Variants in SV2C observed in about 807,000 individuals in gnomAD.
The protein encoded by SV2C is synaptic vesicle glycoprotein 2C.
Under a neutral mutation model 79.7 loss-of-function variants are expected in SV2C, and 49 were observed. The ratio of observed to expected loss-of-function variants is 0.61; its 90% CI spans 0.49 to 0.78. SV2C has a LOEUF of 0.78. SV2C is among the 30% of genes least tolerant of loss of function. The pLI, the probability that SV2C is intolerant of heterozygous loss-of-function variation, is 0.00. For synonymous variants in SV2C, 334 were observed against 333.2 expected (o/e 1.00, Z -0.03); for missense variants, 833 against 912.9 (o/e 0.91, Z 1.13).
In SV2C at chr5:76,212,488, C is replaced by G. The variant is rs1382692846; in HGVS notation, c.913+2601C>G. ...CTTTTTCTTTTTTTTTTTTTAATAC[C>G]TTCTTAGCCGGCCTTCAGGCCAGCC... On this transcript the variant is annotated intron_variant, in intron 4 of 12. Transcript: ENST00000502798. Among the ~76,000 whole-genome samples, 4 of 147,258 alleles carry G rather than the reference C, an allele frequency of 2.7e-5. No individual in the cohort carries two copies. The Admixed American group carries it at 2.7e-4, about 10-fold the overall frequency.
the SV2C span, among the ~76,000 whole-genome samples, chr5:75,997,230 G>C: frequency 3.3e-5 from 5 of 152,100 alleles, no homozygotes; most frequent in Admixed American, 1.3e-4. Flanking sequence ...TTTTCTGCAT[G>C]TTTGAGATAA....
chr5:76,234,988 G>A (rs557494870), intron 4 of SV2C, among the ~76,000 whole-genome samples: 1 of 152,304 alleles, frequency 6.6e-6, no homozygotes, highest in East Asian at 1.9e-4. Context: ...TTAGATGGAA[G>A]AACTAACACA....
the SV2C span, among the ~76,000 whole-genome samples, chr5:76,056,624 CTTTTTTTTTTTT>C: frequency 7.6e-5 from 5 of 65,722 alleles, no homozygotes; most frequent in Middle Eastern, 0.016. Flanking sequence ...CCTGGGCTTT[CTTTTTTTTTTTT>C]TTTTTTTTTT....
At chr5:76,106,742 C>G (rs911567586) in intron 1 of SV2C, among the ~76,000 whole-genome samples, 1 of 152,182 alleles carries the variant, frequency 6.6e-6, no homozygotes, top group Non-Finnish European at 1.5e-5. Flanking sequence ...CTCTATGAGG[C>G]CTACCCTGAA....
chr5:76,253,577 G>T (rs1463348224), intron 4 of SV2C, among the ~76,000 whole-genome samples: 5 of 152,062 alleles, frequency 3.3e-5, no homozygotes, highest in Non-Finnish European at 5.9e-5. Flanking sequence ...GGAGGGAAAT[G>T]GTTTCTCAGA....
chr5:75,999,450 A>C, the SV2C span, among the ~76,000 whole-genome samples: 24 of 151,950 alleles, frequency 1.6e-4, no homozygotes, highest in South Asian at 2.3e-3. Flanking sequence ...ATGGACACTG[A>C]GAAGTCTCAG....
At chr5:76,126,650 A>G (rs957804646) in intron 1 of SV2C, among the ~76,000 whole-genome samples, 2 of 152,150 alleles carry the variant, frequency 1.3e-5, no homozygotes, top group Admixed American at 1.3e-4. Flanking sequence ...TAAGAGAGGA[A>G]GAGGGATGTT....
At chr5:75,942,619 C>T in the SV2C span, among the ~76,000 whole-genome samples, 4 of 152,274 alleles carry the variant, frequency 2.6e-5, no homozygotes, top group Non-Finnish European at 1.5e-5. Context: ...CAGCTAGACT[C>T]GAATCTGTGT....
intron 1 of SV2C, among the ~76,000 whole-genome samples, chr5:76,093,179 T>C (rs1747435857): frequency 6.6e-6 from 1 of 152,198 alleles, no homozygotes; most frequent in Admixed American, 6.5e-5. Flanking sequence ...AAAGAATATT[T>C]CTAATGCCCC....
At chr5:75,901,644 C>G in the SV2C span, among the ~76,000 whole-genome samples, 3 of 152,250 alleles carry the variant, frequency 2.0e-5, no homozygotes, top group Non-Finnish European at 2.9e-5. Flanking sequence ...TTTACGTCTG[C>G]AGAGGTTACT....
chr5:75,904,582 AAATGGAGCCCT>A, the SV2C span, among the ~76,000 whole-genome samples: 19 of 152,164 alleles, frequency 1.2e-4, no homozygotes, highest in Non-Finnish European at 2.2e-4. Flanking sequence ...AGTAAATGTA[AAATGGAGCCCT>A]GAATCCCAAC....
the SV2C span, among the ~76,000 whole-genome samples, chr5:75,941,413 A>G: frequency 0.011 from 1,751 of 152,336 alleles, 27 homozygotes; most frequent in African/African-American, 0.04. Flanking sequence ...TATAAAGCCC[A>G]GTGCCTTTCT....
chr5:75,903,603 C>T, the SV2C span, among the ~76,000 whole-genome samples: 2 of 152,152 alleles, frequency 1.3e-5, no homozygotes, highest in African/African-American at 4.8e-5. Flanking sequence ...AGAATTTCAG[C>T]CTGCACAGTC....
chr5:75,984,563 ATCTATATC>A, the SV2C span, among the ~76,000 whole-genome samples: 149 of 50,042 alleles, frequency 3.0e-3, no homozygotes, highest in African/African-American at 8.0e-3. Context: ...CTATCTATCT[ATCTATATC>A]TATCTATCTA....
the SV2C span, among the ~76,000 whole-genome samples, chr5:75,916,599 C>T: frequency 1.3e-5 from 2 of 152,164 alleles, no homozygotes; most frequent in South Asian, 2.1e-4. Context: ...CCTCAGCCTC[C>T]GAGTAGCTGG....
chr5:75,963,474 T>TCTAAA, the SV2C span, among the ~76,000 whole-genome samples: 1 of 152,162 alleles, frequency 6.6e-6, no homozygotes, highest in Non-Finnish European at 1.5e-5. Context: ...GGTTTTGTCT[T>TCTAAA]TGTCTTCTAA....
chr5:76,310,563 G>C (rs1324685183), intron 12 of SV2C, among the ~76,000 whole-genome samples: 2 of 152,200 alleles, frequency 1.3e-5, no homozygotes, highest in Non-Finnish European at 2.9e-5. Flanking sequence ...GAAATCCAAT[G>C]TGGGGTTTGG....
At chr5:75,968,849 G>C in the SV2C span, among the ~76,000 whole-genome samples, 1 of 152,144 alleles carries the variant, frequency 6.6e-6, no homozygotes, top group African/African-American at 2.4e-5. Flanking sequence ...TCCTCGAGAA[G>C]AGCAACTTCA....
At chr5:76,277,011 C>G (rs1212473179) in intron 4 of SV2C, among the ~76,000 whole-genome samples, 2 of 152,140 alleles carry the variant, frequency 1.3e-5, no homozygotes, top group African/African-American at 2.4e-5. Flanking sequence ...GAAGATATCA[C>G]TAGGCATTAG....
Sources: allele counts gnomAD v4.1 joint callset (sites outside exome capture counted in the v4.1 genomes callset), GRCh38; gene constraint gnomAD v4.1.1; transcripts MANE v1.5; gene names NCBI Gene and HGNC (gene_info 2026-07-23, HGNC 2026-07-21).